The following SLC35G5 variants were observed in gnomAD, a reference collection of about 807,000 sequenced individuals.
The protein encoded by SLC35G5 is acyl-malonyl condensing enzyme 1-like 2.
In SLC35G5, 14 loss-of-function variants were observed where a neutral mutation model predicts 17.6. That is an observed-to-expected ratio of 0.79 (90% CI 0.52 to 1.24). SLC35G5 has a LOEUF of 1.24. SLC35G5 is among the 50% of genes most tolerant of loss of function. The pLI is 0.00. For synonymous variants in SLC35G5, 236 were observed against 194.9 expected (o/e 1.21, Z -1.76); for missense variants, 541 against 430.3 (o/e 1.26, Z -2.28).
chr8:11,331,838 C>G lies in SLC35G5; in HGVS notation c.732C>G (p.Pro244=). Reference sequence around the variant, plus strand: ...CAGGCCTCTTTGTGCTGCAGACCCCCGTGTTGCCCAGTGACCTCCTGAGTT... The same window carrying G: ...CAGGCCTCTTTGTGCTGCAGACCCCGGTGTTGCCCAGTGACCTCCTGAGTT... ...CVPGLFVLQT[P]VLPSDLLSWS... The change falls in exon 1 of 1, where the codon CCC becomes CCG. Residue 244 remains proline (P), a synonymous_variant. Coordinates refer to ENST00000382435, the MANE Select transcript of SLC35G5 (RefSeq NM_054028.2). The G allele has an allele frequency of 6.2e-7, 1 of 1,611,922 alleles. No individual in the cohort carries two copies. Among genetic ancestry groups the G allele is most frequent in the African/African-American group, 1.3e-5 (1 of 74,960 alleles).
rs140527095 is a variant in SLC35G5 at position 11,331,824 on chromosome 8, G to C, written c.718G>C (p.Val240Leu). Residue 240 changes from valine (V) to leucine (L), a missense_variant, in exon 1 of 1, where the codon GTG becomes CTG. By Grantham distance (32) the Val-to-Leu change is conservative. Coordinates refer to ENST00000382435, the MANE Select transcript of SLC35G5 (RefSeq NM_054028.2). The part of the protein sequence containing the change: ...GLLGCVPGLF[V>L]LQTPVLPSDL... ...GCTGGGCTGTGTGCCAGGCCTCTTT[G>C]TGCTGCAGACCCCCGTGTTGCCCAG... 6.2e-7 allele frequency: 1 copy of C among 1,611,918 alleles called. No individual in the cohort carries two copies.
rs898439906 is a variant in SLC35G5 at position 11,332,217 on chromosome 8, TAATA to T, written c.*98_*101del. On this transcript the variant is annotated 3_prime_UTR_variant, in exon 1 of 1. Coordinates refer to ENST00000382435, the MANE Select transcript of SLC35G5 (RefSeq NM_054028.2). ...AAAAATAAAAGAAAAAAAATAATTA[TAATA>T]AATCCTAGGAAAGAGTGAAAGTCTA... is the stretch of plus-strand genomic sequence containing the variant. The T allele has an allele frequency of 5.0e-5, 74 of 1,490,638 alleles. No homozygotes were observed. In the African/African-American group the frequency reaches 7.7e-4, roughly 16 times the overall value. 92.3% of individuals were successfully genotyped at this position (1,490,638 alleles called of 1,614,324 possible). A position where few individuals can be genotyped will look rare whatever the true frequency, so the allele number is the denominator to read the frequency against.
chr8:11,331,303 A>T lies in SLC35G5; in HGVS notation c.197A>T (p.Asn66Ile), dbSNP rs778385439. ...PLSRMAYQGS[N>I]LPSLELLICR... ...TCTCGTATGGCTTACCAGGGTTCCAACCTGCCCTCGCTGGAGCTGCTCATC... is the reference window on the plus strand; with the variant it reads ...TCTCGTATGGCTTACCAGGGTTCCATCCTGCCCTCGCTGGAGCTGCTCATC... Residue 66 changes from asparagine to isoleucine, a missense_variant, in exon 1 of 1, where the codon AAC becomes ATC. By Grantham distance (149) the Asn-to-Ile change is moderately radical. Coordinates refer to ENST00000382435, the MANE Select transcript of SLC35G5 (RefSeq NM_054028.2). The T allele has an allele frequency of 3.7e-6, 6 of 1,613,782 alleles. No homozygotes were observed. Among genetic ancestry groups the T allele is most frequent in the Admixed American group, 3.3e-5 (2 of 59,994 alleles).
chr8:11,332,250 T>C lies in SLC35G5; in HGVS notation c.*127T>C. ...CCTAGGAAAGAGTGAAAGTCTAACT[T>C]CCATAGCACATTATAATATTGAGAT... On this transcript the variant is annotated 3_prime_UTR_variant, in exon 1 of 1. Coordinates refer to ENST00000382435, the MANE Select transcript of SLC35G5 (RefSeq NM_054028.2). 1 of 1,386,218 alleles carries C rather than the reference T, an allele frequency of 7.2e-7. No individual in the cohort carries two copies. 85.9% of individuals were successfully genotyped at this position (1,386,218 alleles called of 1,614,324 possible). A position where few individuals can be genotyped will look rare whatever the true frequency, so the allele number is the denominator to read the frequency against.
chr8:11,331,338 C>T lies in SLC35G5; in HGVS notation c.232C>T (p.Leu78Phe), dbSNP rs762114863. The change falls in exon 1 of 1, where the codon CTC becomes TTC. Residue 78 changes from leucine to phenylalanine, a missense_variant. Transcript: ENST00000382435. ...PSLELLICRC[L>F]FHLPIALLLK... ...GCTGGAGCTGCTCATCTGTCGATGC[C>T]TCTTCCACCTCCCTATTGCCCTGCT... is the stretch of plus-strand genomic sequence containing the variant. 1.2e-6 allele frequency: 2 copies of T among 1,613,976 alleles called. No homozygotes were observed. The highest frequency in any genetic ancestry group is 1.7e-6 in the Non-Finnish European group (2 of 1,179,856).
chr8:11,331,485 G>A lies in SLC35G5; in HGVS notation c.379G>A (p.Ala127Thr), dbSNP rs532136763. 74 of 1,613,912 alleles carry A rather than the reference G, an allele frequency of 4.6e-5. No homozygotes were observed. Among genetic ancestry groups the A allele is most frequent in the Admixed American group, 1.0e-4 (6 of 60,018 alleles). The change falls in exon 1 of 1, where the codon GCT becomes ACT. Residue 127 changes from alanine to threonine, a missense_variant. Transcript: ENST00000382435. ...CTACAGTGCAGTTCAGGTGGTGCCC[G>A]CTGGCAACGCTGCCACTGTTCGCAA... is the stretch of plus-strand genomic sequence containing the variant. ...CAYSAVQVVP[A>T]GNAATVRKGS... is the part of the protein sequence containing the mutation.
In SLC35G5 at chr8:11,331,655, G is replaced by T. The variant is rs767933236; in HGVS notation, c.549G>T (p.Gly183=). 2.5e-6 allele frequency: 4 copies of T among 1,612,338 alleles called. No individual in the cohort carries two copies. The South Asian group carries it at 4.4e-5, about 18-fold the overall frequency. ...LGPGLWTLQE[G]TTGVYTTLGY... ...CTGGACTCTGGACACTACAGGAGGG[G>T]ACCACAGGTGTCTACACCACCCTGG... The change falls in exon 1 of 1, where the codon GGG becomes GGT. Residue 183 remains glycine, a synonymous_variant. Coordinates refer to ENST00000382435, the MANE Select transcript of SLC35G5 (RefSeq NM_054028.2).
rs1801267672 is a variant in SLC35G5 at position 11,332,267 on chromosome 8, T to C, written c.*144T>C. The C allele has an allele frequency of 7.7e-7, 1 of 1,290,636 alleles. No homozygotes were observed. The highest frequency in any genetic ancestry group is 2.6e-5 in the East Asian group (1 of 38,750). The allele number at this position is 1,290,636 out of a possible 1,614,324, so 79.9% of individuals were successfully genotyped here. A position where few individuals can be genotyped will look rare whatever the true frequency, so the allele number is the denominator to read the frequency against. The stretch of plus-strand genomic sequence containing the variant: ...GTCTAACTTCCATAGCACATTATAA[T>C]ATTGAGATGTTCAGTTATAATAAAA... On this transcript the variant is annotated 3_prime_UTR_variant, in exon 1 of 1. Transcript: ENST00000382435.
In SLC35G5 at chr8:11,331,061, G is replaced by A. The variant is rs1414250150; in HGVS notation, c.-46G>A. On this transcript the variant is annotated 5_prime_UTR_variant, in exon 1 of 1. Coordinates refer to ENST00000382435, the MANE Select transcript of SLC35G5 (RefSeq NM_054028.2). ...GTCACAATGGCTGGAGCTCTGAGGG[G>A]CCCAGGCTCCCTGAGCCAGGAGGAG... The A allele has an allele frequency of 2.6e-6, 4 of 1,554,038 alleles. No homozygotes were observed. Among genetic ancestry groups the A allele is most frequent in the Non-Finnish European group, 3.5e-6 (4 of 1,153,708 alleles).
Position 11,331,799 on chromosome 8 carries a change from G to A in SLC35G5, c.693G>A (p.Leu231=). Residue 231 remains leucine, a synonymous_variant, in exon 1 of 1, where the codon CTG becomes CTA. Coordinates refer to ENST00000382435, the MANE Select transcript of SLC35G5 (RefSeq NM_054028.2). ...TVAFLSGLVG[L]LGCVPGLFVL... Reference sequence around the variant, plus strand: ...CCTTCCTATCTGGCTTGGTGGGGCTGCTGGGCTGTGTGCCAGGCCTCTTTG... The same window carrying A: ...CCTTCCTATCTGGCTTGGTGGGGCTACTGGGCTGTGTGCCAGGCCTCTTTG... 4 of 1,611,776 alleles carry A rather than the reference G, an allele frequency of 2.5e-6. No homozygotes were observed. Among genetic ancestry groups the A allele is most frequent in the Non-Finnish European group, 3.4e-6 (4 of 1,179,746 alleles).
In SLC35G5 at chr8:11,332,215, T is replaced by A; in HGVS notation, c.*92T>A. ...AAAAAAATAAAAGAAAAAAAATAAT[T>A]ATAATAAATCCTAGGAAAGAGTGAA... is the stretch of plus-strand genomic sequence containing the variant. On this transcript the variant is annotated 3_prime_UTR_variant, in exon 1 of 1. Transcript: ENST00000382435. The A allele has an allele frequency of 6.7e-7, 1 of 1,494,738 alleles. No individual in the cohort carries two copies. Among genetic ancestry groups the A allele is most frequent in the South Asian group, 1.3e-5 (1 of 74,408 alleles). The allele number at this position is 1,494,738 out of a possible 1,614,324, so 92.6% of individuals were successfully genotyped here. A position where few individuals can be genotyped will look rare whatever the true frequency, so the allele number is the denominator to read the frequency against.
chr8:11,331,073 T>C lies in SLC35G5; in HGVS notation c.-34T>C, dbSNP rs759251859. 8.3e-6 allele frequency: 13 copies of C among 1,561,952 alleles called. No individual in the cohort carries two copies. The African/African-American group carries it at 1.1e-4, about 13-fold the overall frequency. ...GGAGCTCTGAGGGGCCCAGGCTCCC[T>C]GAGCCAGGAGGAGAGGAGAAAGTCC... On this transcript the variant is annotated 5_prime_UTR_variant, in exon 1 of 1. Transcript: ENST00000382435.
Position 11,331,519 on chromosome 8 carries a change from C to T in SLC35G5, c.413C>T (p.Ser138Phe). The stretch of plus-strand genomic sequence containing the variant: ...GCTGCCACTGTTCGCAAAGGTTCTT[C>T]CACCGTATGCTCCGCTGTCCTCACC... ...GNAATVRKGS[S>F]TVCSAVLTLC... The change falls in exon 1 of 1, where the codon TCC (serine) becomes TTC (phenylalanine). Residue 138 changes from serine to phenylalanine, a missense_variant. Physicochemically the swap from Ser to Phe is radical, Grantham distance 155. Coordinates refer to ENST00000382435, the MANE Select transcript of SLC35G5 (RefSeq NM_054028.2). 6.2e-7 allele frequency: 1 copy of T among 1,613,920 alleles called. No individual in the cohort carries two copies. Among genetic ancestry groups the T allele is most frequent in the African/African-American group, 1.3e-5 (1 of 75,008 alleles).
Position 11,331,436 on chromosome 8 carries a change from C to A in SLC35G5, c.330C>A (p.Leu110=). 3 of 1,614,020 alleles carry A rather than the reference C, an allele frequency of 1.9e-6. No individual in the cohort carries two copies. Among genetic ancestry groups the A allele is most frequent in the Non-Finnish European group, 2.5e-6 (3 of 1,179,872 alleles). The part of the protein sequence containing the change: ...IRGWACFCAL[L]NVLSIGCAYS... ...GCTGGGCCTGCTTCTGTGCCCTGCT[C>A]AACGTCCTCAGCATTGGATGTGCCT... The change falls in exon 1 of 1, where the codon CTC becomes CTA. Residue 110 remains leucine, a synonymous_variant. Coordinates refer to ENST00000382435, the MANE Select transcript of SLC35G5 (RefSeq NM_054028.2).
rs1801240473 is a variant in SLC35G5 at position 11,331,742 on chromosome 8, T to C, written c.636T>C (p.Ser212=). ...ALSLGLLVYR[S]LHFPSCLPTV... ...CCCTGGGGCTTCTGGTCTATCGTTC[T>C]CTGCACTTTCCCTCCTGCCTCCCAA... The change falls in exon 1 of 1, where the codon TCT becomes TCC. Residue 212 remains serine (S), a synonymous_variant. Coordinates refer to ENST00000382435, the MANE Select transcript of SLC35G5 (RefSeq NM_054028.2). 2 of 1,611,930 alleles carry C rather than the reference T, an allele frequency of 1.2e-6. No homozygotes were observed. The highest frequency in any genetic ancestry group is 2.2e-5 in the East Asian group (1 of 44,872).
chr8:11,331,415 G>C lies in SLC35G5; in HGVS notation c.309G>C (p.Trp103Cys), dbSNP rs1418535702. The change falls in exon 1 of 1, where the codon TGG (tryptophan) becomes TGC (cysteine). Residue 103 changes from tryptophan to cysteine, a missense_variant. Transcript: ENST00000382435. ...PLLGPPDIRGWACFCALLNVL... is the reference protein window; with the variant it reads ...PLLGPPDIRGCACFCALLNVL... ...TGGGACCTCCTGACATCCGAGGCTG[G>C]GCCTGCTTCTGTGCCCTGCTCAACG... The C allele has an allele frequency of 4.3e-6, 7 of 1,613,808 alleles. No individual in the cohort carries two copies. Among genetic ancestry groups the C allele is most frequent in the Non-Finnish European group, 5.9e-6 (7 of 1,179,816 alleles).
rs1801265047 is a variant in SLC35G5, at chr8:11,332,210, A to T, written c.*87A>T. 2 of 1,497,818 alleles carry T rather than the reference A, an allele frequency of 1.3e-6. No homozygotes were observed. The highest frequency in any genetic ancestry group is 1.4e-5 in the African/African-American group (1 of 70,230). The allele number at this position is 1,497,818 out of a possible 1,614,324, so 92.8% of individuals were successfully genotyped here. ...ACAAAAAAAAAATAAAAGAAAAAAA[A>T]TAATTATAATAAATCCTAGGAAAGA... is the stretch of plus-strand genomic sequence containing the variant. On this transcript the variant is annotated 3_prime_UTR_variant, in exon 1 of 1. Transcript: ENST00000382435.
Position 11,331,683 on chromosome 8 carries a change from T to C in SLC35G5, c.577T>C (p.Tyr193His), listed in dbSNP as rs1801237165. ...CACAGGTGTCTACACCACCCTGGGC[T>C]ATGTGCAGGCTTTCCTGGGAGGCCT... ...GTTGVYTTLG[Y>H]VQAFLGGLAL... The change falls in exon 1 of 1, where the codon TAT becomes CAT. Residue 193 changes from tyrosine (Y) to histidine (H), a missense_variant. By Grantham distance (83) the Tyr-to-His change is moderately conservative. Coordinates refer to ENST00000382435, the MANE Select transcript of SLC35G5 (RefSeq NM_054028.2). 6.2e-7 allele frequency: 1 copy of C among 1,612,068 alleles called. No individual in the cohort carries two copies. The highest frequency in any genetic ancestry group is 8.5e-7 in the Non-Finnish European group (1 of 1,179,850).
In SLC35G5 at chr8:11,332,138, G is replaced by C; in HGVS notation, c.*15G>C. ...TGGAGGAGTGAGATAGAACTTGGGAGCCCGGGGGTTGGGAGGGACAGGGAT... is the reference window on the plus strand; with the variant it reads ...TGGAGGAGTGAGATAGAACTTGGGACCCCGGGGGTTGGGAGGGACAGGGAT... On this transcript the variant is annotated 3_prime_UTR_variant, in exon 1 of 1. Transcript: ENST00000382435. 1 of 1,611,588 alleles carries C rather than the reference G, an allele frequency of 6.2e-7. No individual in the cohort carries two copies. The highest frequency in any genetic ancestry group is 8.5e-7 in the Non-Finnish European group (1 of 1,179,784).
Sources: gnomAD v4.1 joint callset for allele counts on GRCh38, gnomAD v4.1.1 for gene constraint, MANE v1.5 for transcripts, NCBI Gene and HGNC (gene_info 2026-07-23, HGNC 2026-07-21) for gene names.